Variants in PTCD1 observed in about 807,000 individuals in gnomAD.
PTCD1 encodes pentatricopeptide repeat-containing protein 1, mitochondrial.
In PTCD1, 50 loss-of-function variants were observed where a neutral mutation model predicts 53.4. The ratio of observed to expected loss-of-function variants is 0.94; its 90% CI spans 0.75 to 1.19. The LOEUF is 1.19. Ranked by LOEUF, PTCD1 falls within the 50% of genes most tolerant of loss-of-function variation. The probability of loss-of-function intolerance (pLI) is 0.00; values close to 1 mark genes in which losing one functional copy is unlikely to be tolerated. For missense variants in PTCD1, 918 were observed against 904.8 expected (o/e 1.01, Z -0.19); for synonymous variants, 413 against 394.8 (o/e 1.05, Z -0.55).
In PTCD1 at chr7:99,435,212, C is replaced by G; in HGVS notation, c.31G>C (p.Ala11Pro). 3 of 1,603,690 alleles carry G rather than the reference C, an allele frequency of 1.9e-6. No homozygotes were observed. Among genetic ancestry groups the G allele is most frequent in the Non-Finnish European group, 2.5e-6 (3 of 1,179,908 alleles). The part of the protein sequence containing the change: MDFVRLARLF[A>P]RARPMGLFIL... The stretch of plus-strand genomic sequence containing the variant: ...AACAGTCCCATGGGGCGGGCCCTGG[C>G]GAACAGTCGAGCGAGTCTCACGAAG... The change falls in exon 2 of 8, where the codon GCC (alanine) becomes CCC (proline). Residue 11 changes from alanine to proline, a missense_variant. Coordinates refer to ENST00000292478, the MANE Select transcript of PTCD1 (RefSeq NM_015545.4).
chr7:99,429,647 C>T lies in PTCD1; in HGVS notation c.754G>A (p.Ala252Thr), dbSNP rs775141794. 8.7e-6 allele frequency: 14 copies of T among 1,614,208 alleles called. No homozygotes were observed. The Admixed American group carries it at 1.0e-4, about 12-fold the overall frequency. ...CACTTGGCAGCCATCTTCAGCAGCG[C>T]GTGGTATGTTTTCAAGTTGAGCTCG... ...NFELNLKTYH[A>T]LLKMAAKCAD... is the part of the protein sequence containing the mutation. The change falls in exon 4 of 8, where the codon GCG (alanine) becomes ACG (threonine). Residue 252 changes from alanine to threonine, a missense_variant. By Grantham distance (58) the Ala-to-Thr change is moderately conservative. Coordinates refer to ENST00000292478, the MANE Select transcript of PTCD1 (RefSeq NM_015545.4).
At chr7:99,421,415 G>A (rs1795806378) in intron 7 of PTCD1, among the ~76,000 whole-genome samples, 1 of 145,452 alleles carries the variant, frequency 6.9e-6, no homozygotes, top group Non-Finnish European at 1.5e-5. Context: ...GCAACAGAGT[G>A]ATTCCCGTCT....
chr7:99,423,530 G>A (rs1037824271), intron 7 of PTCD1, among the ~76,000 whole-genome samples: 6 of 152,170 alleles, frequency 3.9e-5, no homozygotes, highest in African/African-American at 1.2e-4. Flanking sequence ...TGGCCTCTGC[G>A]AACTGACAGA....
chr7:99,422,248 T>G (rs995420718), intron 7 of PTCD1, among the ~76,000 whole-genome samples: 2 of 152,206 alleles, frequency 1.3e-5, no homozygotes, highest in African/African-American at 4.8e-5. Flanking sequence ...AAAATGGCAT[T>G]CAGGCGTGAC....
In PTCD1 at chr7:99,419,793, C is replaced by CT. The variant is rs993657383; in HGVS notation, c.*173dup. On this transcript the variant is annotated 3_prime_UTR_variant, in exon 8 of 8. Transcript: ENST00000292478. Reference sequence around the variant, plus strand: ...GTGGCTGGAGCTGCACTTGGACCTGCTGGGAGCACAGGCACCTTGGGCCTA... The same window carrying CT: ...GTGGCTGGAGCTGCACTTGGACCTGCTTGGGAGCACAGGCACCTTGGGCCTA... The CT allele has an allele frequency of 1.8e-6, 2 of 1,107,614 alleles. No homozygotes were observed. The highest frequency in any genetic ancestry group is 4.8e-5 in the Admixed American group (2 of 41,326). The allele number at this position is 1,107,614 out of a possible 1,614,324, so 68.6% of individuals were successfully genotyped here.
Position 99,423,889 on chromosome 7 carries a change from G to A in PTCD1, c.1806C>T (p.Asn602=), listed in dbSNP as rs775298177. 6.2e-7 allele frequency: 1 copy of A among 1,614,050 alleles called. No individual in the cohort carries two copies. Among genetic ancestry groups the A allele is most frequent in the African/African-American group, 1.3e-5 (1 of 74,910 alleles). Residue 602 remains asparagine (N), a synonymous_variant, in exon 7 of 8, where the codon AAC becomes AAT. Coordinates refer to ENST00000292478, the MANE Select transcript of PTCD1 (RefSeq NM_015545.4). ...ALINAAIRKL[N]YTYLISILKD... is the part of the protein sequence containing the mutation. ...TCAAGATGCTGATGAGATAGGTGTA[G>A]TTCAGCTTCCTGATGGCCGCGTTGA...
intron 7 of PTCD1, among the ~76,000 whole-genome samples, chr7:99,421,710 G>A (rs936105760): frequency 5.3e-5 from 8 of 151,920 alleles, no homozygotes; most frequent in Admixed American, 2.6e-4. Flanking sequence ...AGGCCAGATC[G>A]CATCACTGCA....
intron 3 of PTCD1, among the ~76,000 whole-genome samples, chr7:99,432,174 G>A (rs1796281890): frequency 1.3e-5 from 2 of 152,178 alleles, no homozygotes; most frequent in Non-Finnish European, 2.9e-5. Flanking sequence ...CTGTCCCCCA[G>A]CCCGACGCCC....
rs1038568607 is a variant in PTCD1, at chr7:99,424,841, C to G, written c.1691G>C (p.Gly564Ala). The change falls in exon 6 of 8, where the codon GGG becomes GCG. Residue 564 changes from glycine (G) to alanine (A), a missense_variant. Coordinates refer to ENST00000292478, the MANE Select transcript of PTCD1 (RefSeq NM_015545.4). ...TAGACCGTCCTTCGGCCTGTGGCAC[C>G]CGATGGCCAGGTTGCAGAATGTCTG... ...NLQTFCNLAI[G>A]CHRPKDGLQL... is the part of the protein sequence containing the mutation. The G allele has an allele frequency of 6.2e-7, 1 of 1,614,246 alleles. No individual in the cohort carries two copies. Among genetic ancestry groups the G allele is most frequent in the Non-Finnish European group, 8.5e-7 (1 of 1,180,056 alleles).
intron 2 of PTCD1, 110 bp downstream of exon 2, chr7:99,434,680 A>G (rs1484568782): frequency 2.9e-6 from 4 of 1,400,644 alleles, no homozygotes; most frequent in Admixed American, 3.4e-5. Flanking sequence ...TGGCAGTTCA[A>G]CAGGGTAGGC....
intron 3 of PTCD1, 74 bp downstream of exon 3, chr7:99,433,204 T>G (rs1219711176): frequency 1.2e-5 from 19 of 1,612,102 alleles, no homozygotes; most frequent in Non-Finnish European, 1.6e-5. Flanking sequence ...TGTAAAGCAC[T>G]AGCAAGTGGC....
rs1795674426 is a variant in PTCD1, at chr7:99,419,108, CTCAT to C, written c.*855_*858del. 4.0e-6 allele frequency: 2 copies of C among 497,930 alleles called. No individual in the cohort carries two copies. The highest frequency in any genetic ancestry group is 7.3e-6 in the Non-Finnish European group (2 of 273,780). 30.8% of individuals were successfully genotyped at this position (497,930 alleles called of 1,614,324 possible). A position where few individuals can be genotyped will look rare whatever the true frequency, so the allele number is the denominator to read the frequency against. On this transcript the variant is annotated 3_prime_UTR_variant, in exon 8 of 8. Transcript: ENST00000292478. Reference sequence around the variant, plus strand: ...ATGCTCACTTAGCAGAATAACGAGACTCATTCACACCGATTTCTTTTTCTTGATT... The same window carrying C: ...ATGCTCACTTAGCAGAATAACGAGACTCACACCGATTTCTTTTTCTTGATT...
chr7:99,419,450 C>T lies in PTCD1; in HGVS notation c.*517G>A, dbSNP rs374334634. The T allele has an allele frequency of 6.3e-5, 101 of 1,610,420 alleles. No homozygotes were observed. Among genetic ancestry groups the T allele is most frequent in the East Asian group, 2.2e-4 (10 of 44,894 alleles). ...GTGGCTGCTCTGGCTGAGGCTGGCG[C>T]GCTCCACCCTGGACTCTGGACTTCG... On this transcript the variant is annotated 3_prime_UTR_variant, in exon 8 of 8. Transcript: ENST00000292478.
intron 3 of PTCD1, 107 bp downstream of exon 3, chr7:99,433,171 G>A (rs1796329905): frequency 1.3e-6 from 2 of 1,556,410 alleles, no homozygotes; most frequent in African/African-American, 1.4e-5. Context: ...TCTGAGGCCA[G>A]GGAGGTGAAG....
In PTCD1 at chr7:99,423,828, C is replaced by T; in HGVS notation, c.1867G>A (p.Val623Met). The T allele has an allele frequency of 6.2e-7, 1 of 1,614,206 alleles. No homozygotes were observed. Among genetic ancestry groups the T allele is most frequent in the South Asian group, 1.1e-5 (1 of 91,070 alleles). The change falls in exon 7 of 8, where the codon GTG (valine) becomes ATG (methionine). Residue 623 changes from valine (V) to methionine (M), a missense_variant. Transcript: ENST00000292478. ...MKQNRVPVNE[V>M]VIRQLEFAAQ... ...GCAAACTCCAGCTGGCGGATGACCA[C>T]TTCGTTCACCGGGACCCTGTTCTGC...
In PTCD1 at chr7:99,429,629, C is replaced by T; in HGVS notation, c.772G>A (p.Ala258Thr). 2 of 1,614,232 alleles carry T rather than the reference C, an allele frequency of 1.2e-6. No individual in the cohort carries two copies. Among genetic ancestry groups the T allele is most frequent in the East Asian group, 2.2e-5 (1 of 44,888 alleles). ...KTYHALLKMA[A>T]KCADLRMCLD... ...CACATCCTAAGGTCTGCGCACTTGG[C>T]AGCCATCTTCAGCAGCGCGTGGTAT... The change falls in exon 4 of 8, where the codon GCC becomes ACC. Residue 258 changes from alanine to threonine, a missense_variant. Transcript: ENST00000292478.
chr7:99,432,119 G>C (rs980742192), intron 3 of PTCD1, among the ~76,000 whole-genome samples: 6 of 152,216 alleles, frequency 3.9e-5, no homozygotes, highest in Admixed American at 2.0e-4. Flanking sequence ...GTGATAGCCT[G>C]AGATATGGCC....
intron 5 of PTCD1, among the ~76,000 whole-genome samples, chr7:99,426,213 T>C (rs1239214046): frequency 7.1e-6 from 1 of 140,950 alleles, no homozygotes; most frequent in Non-Finnish European, 1.5e-5. Flanking sequence ...CCTCTCCCTC[T>C]TTCCACAGTC....
In PTCD1 at chr7:99,429,654, T is replaced by C. The variant is rs761633477; in HGVS notation, c.747A>G (p.Thr249=). 1.7e-5 allele frequency: 28 copies of C among 1,614,238 alleles called. No homozygotes were observed. The highest frequency in any genetic ancestry group is 2.4e-5 in the Non-Finnish European group (28 of 1,180,038). The change falls in exon 4 of 8, where the codon ACA becomes ACG. Residue 249 remains threonine, a synonymous_variant. Transcript: ENST00000292478. The part of the protein sequence containing the change: ...QAKNFELNLK[T]YHALLKMAAK... ...CAGCCATCTTCAGCAGCGCGTGGTA[T>C]GTTTTCAAGTTGAGCTCGAAGTTTT...
Sources: allele counts gnomAD v4.1 joint callset (sites outside exome capture counted in the v4.1 genomes callset), GRCh38; gene constraint gnomAD v4.1.1; transcripts MANE v1.5; gene names NCBI Gene and HGNC (gene_info 2026-07-23, HGNC 2026-07-21).